Variants in FMN1 observed in about 807,000 individuals in gnomAD.
FMN1 encodes the protein formin 1, also known as formin-1.
In FMN1, 110 loss-of-function variants were observed where a neutral mutation model predicts 132.4. The observed-to-expected ratio is 0.83, with a 90% confidence interval of 0.71 to 0.97. FMN1 has a LOEUF of 0.97. Among genes scored for constraint, FMN1 ranks in the 50% least tolerant of loss-of-function variants. The probability of loss-of-function intolerance (pLI) is 0.00; values close to 1 mark genes in which losing one functional copy is unlikely to be tolerated. For missense variants in FMN1, 1,792 were observed against 1,705.3 expected, an observed-to-expected ratio of 1.05 and a Z score of -0.90; for synonymous variants, 722 against 651.7, an observed-to-expected ratio of 1.11 and a Z score of -1.64.
At chr15:32,849,129 G>A (rs112677718) in intron 17 of FMN1, among the ~76,000 whole-genome samples, 1,973 of 149,122 alleles carry the variant, frequency 0.013, 43 homozygotes, top group African/African-American at 0.046. Context: ...GACTACAGGC[G>A]CTTGTCACCA....
intron 6 of FMN1, among the ~76,000 whole-genome samples, chr15:33,015,303 AG>A (rs2034977315): frequency 6.6e-6 from 1 of 152,158 alleles, no homozygotes. Flanking sequence ...ATTCTGTAAA[AG>A]GGGAATGCTA....
At chr15:32,979,171 G>A (rs2032442594) in intron 7 of FMN1, among the ~76,000 whole-genome samples, 1 of 152,096 alleles carries the variant, frequency 6.6e-6, no homozygotes, top group Non-Finnish European at 1.5e-5. Flanking sequence ...AATGCAAACA[G>A]GTTTTCATCA....
chr15:32,842,320 C>T (rs1395523988), intron 17 of FMN1, among the ~76,000 whole-genome samples: 1 of 152,154 alleles, frequency 6.6e-6, no homozygotes, highest in African/African-American at 2.4e-5. Flanking sequence ...CCACCCGAGC[C>T]GAGGCTCTGC....
chr15:32,941,054 C>G (rs77203069), intron 9 of FMN1, among the ~76,000 whole-genome samples: 1 of 152,040 alleles, frequency 6.6e-6, no homozygotes, highest in Non-Finnish European at 1.5e-5. Flanking sequence ...CTTATCCCCA[C>G]GTAACATAAA....
chr15:32,857,618 C>T (rs757728153), intron 16 of FMN1, among the ~76,000 whole-genome samples: 4 of 152,126 alleles, frequency 2.6e-5, no homozygotes, highest in Non-Finnish European at 4.4e-5. Context: ...AAGACCAGGT[C>T]GGGGAGGACC....
intron 9 of FMN1, among the ~76,000 whole-genome samples, chr15:32,950,757 G>A (rs1440960419): frequency 6.6e-6 from 1 of 152,116 alleles, no homozygotes; most frequent in African/African-American, 2.4e-5. Context: ...TAATACCTGG[G>A]TGACGAAATA....
At chr15:33,099,194 G>A (rs966386989) in intron 4 of FMN1, among the ~76,000 whole-genome samples, 2 of 152,200 alleles carry the variant, frequency 1.3e-5, no homozygotes, top group Non-Finnish European at 2.9e-5. Flanking sequence ...TGGAGGCTGA[G>A]GTGGGAGGAC....
intron 17 of FMN1, among the ~76,000 whole-genome samples, chr15:32,823,307 A>G (rs143208668): frequency 0.019 from 2,843 of 151,572 alleles, 80 homozygotes; most frequent in African/African-American, 0.063. Context: ...GACTACAGGC[A>G]CCCACCACCA....
intron 14 of FMN1, among the ~76,000 whole-genome samples, chr15:32,899,342 C>G (rs11854098): frequency 0.057 from 8,641 of 152,226 alleles, 671 homozygotes; most frequent in African/African-American, 0.18. Flanking sequence ...TTTATGACCC[C>G]GGGAGGCCAG....
intron 7 of FMN1, among the ~76,000 whole-genome samples, chr15:32,979,669 G>T (rs374087013): frequency 8.5e-4 from 129 of 151,996 alleles, no homozygotes; most frequent in African/African-American, 2.9e-3. Flanking sequence ...CAACTGAGCT[G>T]GTGTGAGTTT....
chr15:32,835,913 T>G (rs766883503), intron 17 of FMN1, among the ~76,000 whole-genome samples: 1 of 152,134 alleles, frequency 6.6e-6, no homozygotes, highest in Non-Finnish European at 1.5e-5. Flanking sequence ...CAGGCCGGAG[T>G]GCAGTGGCAT....
intron 4 of FMN1, among the ~76,000 whole-genome samples, chr15:33,128,366 C>T (rs1963323511): frequency 1.3e-5 from 2 of 152,156 alleles, no homozygotes; most frequent in African/African-American, 2.4e-5. Context: ...CTCAAGGATT[C>T]ACCAGCCTCT....
intron 7 of FMN1, among the ~76,000 whole-genome samples, chr15:32,980,773 T>C (rs970369201): frequency 3.9e-5 from 6 of 152,202 alleles, no homozygotes; most frequent in Non-Finnish European, 7.3e-5. Flanking sequence ...ATATACACTT[T>C]GGGAGGCCAA....
intron 4 of FMN1, chr15:33,150,691 T>G: frequency 1.0e-6 from 1 of 985,548 alleles, no homozygotes; most frequent in Non-Finnish European, 1.2e-6. Context: ...GAAACAGATC[T>G]GATTACTTTT....
chr15:32,949,038 T>G (rs1194827607), intron 9 of FMN1, among the ~76,000 whole-genome samples: 1 of 151,880 alleles, frequency 6.6e-6, no homozygotes, highest in Non-Finnish European at 1.5e-5. Context: ...CTAATATAAA[T>G]ACTCATGACT....
intron 5 of FMN1, among the ~76,000 whole-genome samples, chr15:33,073,176 A>G (rs762081680): frequency 5.3e-5 from 8 of 152,080 alleles, no homozygotes; most frequent in Admixed American, 1.3e-4. Context: ...TGGATAATTC[A>G]CCCCCACATT....
At chr15:32,822,244 G>C (rs566672245) in intron 17 of FMN1, among the ~76,000 whole-genome samples, 76 of 152,290 alleles carry the variant, frequency 5.0e-4, no homozygotes, top group Admixed American at 1.3e-3. Context: ...AGCTACTCAG[G>C]AAGCTGAGGC....
At chr15:33,104,570 A>C (rs1179022523) in intron 4 of FMN1, among the ~76,000 whole-genome samples, 1 of 152,086 alleles carries the variant, frequency 6.6e-6, no homozygotes, top group Non-Finnish European at 1.5e-5. Flanking sequence ...AGATGAACCT[A>C]AGATAGCGCC....
Position 32,929,765 on chromosome 15 carries a change from C to CTTTT in FMN1, c.3139-3508_3139-3505dup, listed in dbSNP as rs34841652. Among the ~76,000 whole-genome samples, 106 of 145,336 alleles carry CTTTT rather than the reference C, an allele frequency of 7.3e-4. 1 individual carries two copies. Among genetic ancestry groups the CTTTT allele is most frequent in the African/African-American group, 2.3e-3 (92 of 39,736 alleles). ...ATGTTGTAGCAAATGACAAGATTTC[C>CTTTT]TTTTTTTTTTTTTGTGGTCAAGTAA... On this transcript the variant is annotated intron_variant, in intron 9 of 20. Transcript: ENST00000616417.
Sources: allele counts gnomAD v4.1 joint callset (sites outside exome capture counted in the v4.1 genomes callset), GRCh38; gene constraint gnomAD v4.1.1; transcripts MANE v1.5; gene names NCBI Gene and HGNC (gene_info 2026-07-23, HGNC 2026-07-21).